PPARD: variants seen among roughly 807,000 people sequenced by gnomAD.
PPARD encodes the protein peroxisome proliferator-activated receptor delta.
PPARD carries 6 observed loss-of-function variants against 39.5 expected under a neutral mutation model. That is an observed-to-expected ratio of 0.15 (90% CI 0.08 to 0.30). The LOEUF (loss-of-function observed/expected upper bound fraction) is 0.30. Ranked by LOEUF, PPARD falls within the 10% of genes least tolerant of loss-of-function variation. The pLI is 1.00. For synonymous variants in PPARD, 210 were observed against 231.3 expected, an observed-to-expected ratio of 0.91 and a Z score of 0.83; for missense variants, 397 against 596.8, an observed-to-expected ratio of 0.67 and a Z score of 3.49.
intron 3 of PPARD, among the ~76,000 whole-genome samples, chr6:35,415,005 C>G (rs200805566): frequency 6.6e-6 from 1 of 152,194 alleles, no homozygotes; most frequent in South Asian, 2.1e-4. Context: ...GGAGTAGAGA[C>G]AGCTAGAGCC....
Position 35,366,170 on chromosome 6 carries a change from A to G in PPARD, c.-102+19020A>G, listed in dbSNP as rs1356705831. Among the ~76,000 whole-genome samples, 1 of 151,798 alleles carries G rather than the reference A, an allele frequency of 6.6e-6. No homozygotes were observed. Among genetic ancestry groups the G allele is most frequent in the Admixed American group, 6.5e-5 (1 of 15,274 alleles). Reference sequence around the variant, plus strand: ...CCAAAACTTAGTAGCTTAAAACACTATCTCGCAGTTTCTATGGGTTAGGAG... The same window carrying G: ...CCAAAACTTAGTAGCTTAAAACACTGTCTCGCAGTTTCTATGGGTTAGGAG... On this transcript the variant is annotated intron_variant, in intron 2 of 7. Coordinates refer to ENST00000360694, the MANE Select transcript of PPARD (RefSeq NM_006238.5). The surrounding 1 kb of genome is among the most constrained non-coding windows in gnomAD (Gnocchi z 4.6).
At chr6:35,388,865 A>C (rs532908169) in intron 2 of PPARD, among the ~76,000 whole-genome samples, 1 of 152,334 alleles carries the variant, frequency 6.6e-6, no homozygotes, top group African/African-American at 2.4e-5. Flanking sequence ...TTGACTTATC[A>C]GACATCTAAA....
intron 2 of PPARD, among the ~76,000 whole-genome samples, chr6:35,381,740 G>A (rs1763167322): frequency 6.6e-6 from 1 of 152,224 alleles, no homozygotes; most frequent in Non-Finnish European, 1.5e-5. Context: ...ATTGCTACCT[G>A]AGGTAGAATT....
At chr6:35,415,635 T>C (rs941346667) in intron 3 of PPARD, among the ~76,000 whole-genome samples, 3 of 152,210 alleles carry the variant, frequency 2.0e-5, no homozygotes, top group Non-Finnish European at 2.9e-5. Flanking sequence ...ATAATAATGT[T>C]ATTGATTAGC....
intron 2 of PPARD, among the ~76,000 whole-genome samples, chr6:35,355,240 A>G (rs956976023): frequency 2.6e-5 from 4 of 152,066 alleles, no homozygotes; most frequent in African/African-American, 9.7e-5. Context: ...ACTTGAGGCC[A>G]CGAGTTTGAG....
intron 2 of PPARD, among the ~76,000 whole-genome samples, chr6:35,362,790 CAT>C (rs1761995832): frequency 6.6e-6 from 1 of 152,120 alleles, no homozygotes; most frequent in Non-Finnish European, 1.5e-5. Flanking sequence ...AGGGGCCAGA[CAT>C]AGGGGAGAAG....
At position 35,412,475 on chromosome 6, in the gene PPARD, G is replaced by T. The variant is rs1765493053; in HGVS notation, c.130+1258G>T. Among the ~76,000 whole-genome samples, 1 of 152,220 alleles carries T rather than the reference G, an allele frequency of 6.6e-6. No homozygotes were observed. Among genetic ancestry groups the T allele is most frequent in the African/African-American group, 2.4e-5 (1 of 41,464 alleles). On this transcript the variant is annotated intron_variant, in intron 3 of 7. Coordinates refer to ENST00000360694, the MANE Select transcript of PPARD (RefSeq NM_006238.5). This position sits in a 1 kb window ranked among gnomAD's most constrained non-coding sequence, Gnocchi z 4.1. Reference sequence around the variant, plus strand: ...AAATGGGCTCTGGACCCCTGTGACTGCATGGAGCAGGAGGAGGCAGTTAGT... The same window carrying T: ...AAATGGGCTCTGGACCCCTGTGACTTCATGGAGCAGGAGGAGGCAGTTAGT...
At chr6:35,343,835 T>G (rs971390653) in intron 1 of PPARD, among the ~76,000 whole-genome samples, 2 of 152,284 alleles carry the variant, frequency 1.3e-5, no homozygotes, top group African/African-American at 4.8e-5. Flanking sequence ...TGGAATACAC[T>G]TATACCATGA....
Position 35,374,309 on chromosome 6 carries a change from G to GGC in PPARD, c.-102+27160_-102+27161insCG, listed in dbSNP as rs797006915. ...AAGGTCATGGTTAGTTCTCGGCGGTGGGGCGGGGGGGTTTAGTGGGCAATT... is the reference window on the plus strand; with the variant it reads ...AAGGTCATGGTTAGTTCTCGGCGGTGGCGGGCGGGGGGGTTTAGTGGGCAATT... On this transcript the variant is annotated intron_variant, in intron 2 of 7. Coordinates refer to ENST00000360694, the MANE Select transcript of PPARD (RefSeq NM_006238.5). Among the ~76,000 whole-genome samples, 360 of 125,696 alleles carry GGC rather than the reference G, an allele frequency of 2.9e-3. 5 individuals carry two copies. The highest frequency in any genetic ancestry group is 0.016 in the African/African-American group (330 of 21,172). The allele number at this position is 125,696 out of a possible 152,430, so 82.5% of individuals were successfully genotyped here.
At position 35,424,218 on chromosome 6, in the gene PPARD, G is replaced by T; in HGVS notation, c.627+70G>T. 6.3e-7 allele frequency: 1 copy of T among 1,592,454 alleles called. No homozygotes were observed. Among genetic ancestry groups the T allele is most frequent in the African/African-American group, 1.3e-5 (1 of 74,508 alleles). ...GTCCCACTGCCGCCTGCCTGACTCC[G>T]GGAGAGCCAGGCCTTCTCCCTCCCT... On this transcript the variant is annotated intron_variant, in intron 6 of 7. Transcript: ENST00000360694. This position sits in a 1 kb window ranked among gnomAD's most constrained non-coding sequence, Gnocchi z 7.1.
rs1374154883 is a variant in PPARD, at chr6:35,347,060, C to G, written c.-185-7C>G. 3 of 1,516,674 alleles carry G rather than the reference C, an allele frequency of 2.0e-6. No individual in the cohort carries two copies. Among genetic ancestry groups the G allele is most frequent in the Non-Finnish European group, 2.6e-6 (3 of 1,132,752 alleles). 94.0% of individuals were successfully genotyped at this position (1,516,674 alleles called of 1,614,324 possible). ...CTAAAGCTGTTGGGGTTTTTTCTAT[C>G]CTGCAGTGTTGTACAGTGTTTTGGG... On this transcript the variant is annotated splice_region_variant and splice_polypyrimidine_tract_variant and intron_variant, in intron 1 of 7. Coordinates refer to ENST00000360694, the MANE Select transcript of PPARD (RefSeq NM_006238.5).
chr6:35,388,739 G>A (rs1763830118), intron 2 of PPARD, among the ~76,000 whole-genome samples: 1 of 152,068 alleles, frequency 6.6e-6, no homozygotes. Flanking sequence ...GTAGGAATGA[G>A]ACAAAGGAAA....
chr6:35,423,406 C>A (rs925583131), intron 5 of PPARD, among the ~76,000 whole-genome samples: 2 of 151,470 alleles, frequency 1.3e-5, no homozygotes, highest in African/African-American at 4.9e-5. Flanking sequence ...TGGTGGTGGG[C>A]GCCTATAATC....
intron 2 of PPARD, among the ~76,000 whole-genome samples, chr6:35,395,522 G>A (rs56849484): frequency 0.011 from 1,632 of 152,270 alleles, 31 homozygotes; most frequent in African/African-American, 0.037. Flanking sequence ...TCAAGAGGAC[G>A]TGATGAACTA....
intron 2 of PPARD, among the ~76,000 whole-genome samples, chr6:35,403,698 G>A (rs1167016058): frequency 6.6e-6 from 1 of 151,910 alleles, no homozygotes; most frequent in African/African-American, 2.4e-5. Flanking sequence ...GCAGTTTGGT[G>A]TAGTGATTGC....
rs1238597526 is a variant in PPARD, at chr6:35,425,487, A to G, written c.1079-345A>G. 1.0e-5 allele frequency: 11 copies of G among 1,053,386 alleles called. No homozygotes were observed. Among genetic ancestry groups the G allele is most frequent in the South Asian group, 4.5e-5 (2 of 44,014 alleles). The allele number at this position is 1,053,386 out of a possible 1,614,324, so 65.3% of individuals were successfully genotyped here. A position where few individuals can be genotyped will look rare whatever the true frequency, so the allele number is the denominator to read the frequency against. On this transcript the variant is annotated intron_variant, in intron 7 of 7. Coordinates refer to ENST00000360694, the MANE Select transcript of PPARD (RefSeq NM_006238.5). The surrounding 1 kb of genome is among the most constrained non-coding windows in gnomAD (Gnocchi z 4.5). ...ATCCTCACAACAACCCTGTGCAGGA[A>G]GAATGTTTTGTGTCTCCATTTTACA...
Position 35,426,383 on chromosome 6 carries a change from CTT to C in PPARD, c.*306_*307del. On this transcript the variant is annotated 3_prime_UTR_variant, in exon 8 of 8. Transcript: ENST00000360694. ...TCTCTTCCCTTCTCCCTTGCCCTCC[CTT>C]TCTCTCTCCACCCCCCACGTCTGTC... 1 of 453,720 alleles carries C rather than the reference CTT, an allele frequency of 2.2e-6. No homozygotes were observed. The highest frequency in any genetic ancestry group is 2.5e-5 in the South Asian group (1 of 39,826). 28.1% of individuals were successfully genotyped at this position (453,720 alleles called of 1,614,324 possible). A position where few individuals can be genotyped will look rare whatever the true frequency, so the allele number is the denominator to read the frequency against.
chr6:35,393,550 G>A (rs1217598217), intron 2 of PPARD, among the ~76,000 whole-genome samples: 2 of 152,178 alleles, frequency 1.3e-5, no homozygotes, highest in Non-Finnish European at 2.9e-5. Context: ...GTCCTGAGGA[G>A]TGAGATTGCA....
chr6:35,355,261 C>A (rs988802868), intron 2 of PPARD, among the ~76,000 whole-genome samples: 1 of 152,012 alleles, frequency 6.6e-6, no homozygotes, highest in Non-Finnish European at 1.5e-5. Flanking sequence ...ACCAGCCTAG[C>A]CATCATGGGG....
Sources: gnomAD v4.1 joint callset for allele counts (sites outside exome capture counted in the v4.1 genomes callset) on GRCh38, gnomAD v4.1.1 for gene constraint, Gnocchi (gnomAD v3.1) non-coding constraint, MANE v1.5 for transcripts, NCBI Gene and HGNC (gene_info 2026-07-23, HGNC 2026-07-21) for gene names.